Variants in DGKB observed in about 807,000 individuals in gnomAD.
DGKB encodes the protein 90 kDa diacylglycerol kinase.
Under a neutral mutation model 114.3 loss-of-function variants are expected in DGKB, and 67 were observed. That is an observed-to-expected ratio of 0.59 (90% confidence interval 0.48 to 0.72). DGKB has a LOEUF of 0.72. Ranked by LOEUF, DGKB falls within the 30% of genes least tolerant of loss-of-function variation. DGKB has a pLI of 0.00. For missense variants in DGKB, 907 were observed against 975.2 expected, an observed-to-expected ratio of 0.93 and a Z score of 0.93; for synonymous variants, 398 against 323.1, an observed-to-expected ratio of 1.23 and a Z score of -2.49.
At chr7:14,431,672 T>C (rs1413534851) in intron 21 of DGKB, among the ~76,000 whole-genome samples, 1 of 152,200 alleles carries the variant, frequency 6.6e-6, no homozygotes, top group Admixed American at 6.5e-5. Flanking sequence ...GGTAAGTCAT[T>C]AAGGAGCAAA....
chr7:14,814,015 G>A (rs1039851499), intron 2 of DGKB: 15 of 151,838 alleles, frequency 9.9e-5, no homozygotes, highest in Admixed American at 4.6e-4. Context: ...TATTCCATAC[G>A]TTTTCTCAAT....
chr7:14,238,916 G>A (rs1214447580), intron 23 of DGKB, among the ~76,000 whole-genome samples: 3 of 151,690 alleles, frequency 2.0e-5, no homozygotes, highest in African/African-American at 7.3e-5. Flanking sequence ...GTTTTTACTA[G>A]GTCAAAAAAG....
At chr7:14,612,030 C>T (rs889133224) in intron 16 of DGKB, among the ~76,000 whole-genome samples, 3 of 151,574 alleles carry the variant, frequency 2.0e-5, no homozygotes. Flanking sequence ...ATGAGTAAAA[C>T]TATTCCCTTT....
intron 25 of DGKB, among the ~76,000 whole-genome samples, chr7:14,175,002 G>A (rs1781515206): frequency 6.6e-6 from 1 of 152,194 alleles, no homozygotes; most frequent in South Asian, 2.1e-4. Context: ...TATACACAAC[G>A]TTTGAGCCAG....
intron 2 of DGKB, among the ~76,000 whole-genome samples, chr7:14,810,185 T>A (rs1363785184): frequency 6.6e-6 from 1 of 152,190 alleles, no homozygotes; most frequent in Non-Finnish European, 1.5e-5. Flanking sequence ...AAGACTAGGC[T>A]CAGAGGTCAA....
chr7:14,704,290 A>C (rs1825756285), intron 6 of DGKB, among the ~76,000 whole-genome samples: 1 of 150,482 alleles, frequency 6.6e-6, no homozygotes, highest in Non-Finnish European at 1.5e-5. Context: ...AAAAAAAAAA[A>C]AAAAAAAATT....
At chr7:14,569,867 G>A (rs1010209793) in intron 20 of DGKB, among the ~76,000 whole-genome samples, 3 of 151,646 alleles carry the variant, frequency 2.0e-5, no homozygotes, top group African/African-American at 7.3e-5. Context: ...CTGATCTTGT[G>A]TGTCTTTGCA....
At chr7:14,374,776 G>A (rs1047781236) in intron 21 of DGKB, among the ~76,000 whole-genome samples, 2 of 152,126 alleles carry the variant, frequency 1.3e-5, no homozygotes, top group African/African-American at 4.8e-5. Flanking sequence ...ATAAGGCACT[G>A]TCCTGTGCAT....
At chr7:14,336,592 G>T (rs1810718359) in intron 23 of DGKB, among the ~76,000 whole-genome samples, 1 of 152,138 alleles carries the variant, frequency 6.6e-6, no homozygotes, top group African/African-American at 2.4e-5. Context: ...GGTTCTAATA[G>T]TTCCACAGTA....
intron 23 of DGKB, among the ~76,000 whole-genome samples, chr7:14,299,294 G>C (rs910441983): frequency 2.0e-5 from 3 of 151,980 alleles, no homozygotes; most frequent in Non-Finnish European, 4.4e-5. Flanking sequence ...GTTTTCAGAG[G>C]AAAAGTAAAC....
intron 12 of DGKB, among the ~76,000 whole-genome samples, chr7:14,675,195 T>G (rs938547970): frequency 3.3e-5 from 5 of 152,100 alleles, no homozygotes; most frequent in African/African-American, 4.8e-5. Flanking sequence ...GATTACAGTG[T>G]AAAGCTAAAC....
chr7:14,399,153 C>T (rs1242570247), intron 21 of DGKB, among the ~76,000 whole-genome samples: 2 of 151,456 alleles, frequency 1.3e-5, no homozygotes, highest in Non-Finnish European at 3.0e-5. Flanking sequence ...GGCAATACCA[C>T]TATTACCACC....
chr7:14,632,135 G>A (rs952456095), intron 13 of DGKB, among the ~76,000 whole-genome samples: 1 of 151,840 alleles, frequency 6.6e-6, no homozygotes, highest in African/African-American at 2.4e-5. Flanking sequence ...GATAGATCCT[G>A]GTCCACTTTC....
intron 13 of DGKB, among the ~76,000 whole-genome samples, chr7:14,658,921 C>A (rs541154043): frequency 6.6e-6 from 1 of 151,744 alleles, no homozygotes; most frequent in African/African-American, 2.4e-5. Context: ...TTAAACTTTA[C>A]TTTAAAGTTC....
chr7:14,682,128 C>T (rs1166311064), intron 12 of DGKB, among the ~76,000 whole-genome samples: 1 of 152,004 alleles, frequency 6.6e-6, no homozygotes, highest in African/African-American at 2.4e-5. Context: ...CCCTTTTAAG[C>T]CCATAGATTT....
chr7:14,273,533 G>A (rs753303400), intron 23 of DGKB, among the ~76,000 whole-genome samples: 2 of 152,102 alleles, frequency 1.3e-5, no homozygotes, highest in Non-Finnish European at 2.9e-5. Context: ...CAAGTACTGT[G>A]GGCTTTCTGA....
At chr7:14,772,843 T>C (rs749096243) in intron 2 of DGKB, among the ~76,000 whole-genome samples, 25 of 152,252 alleles carry the variant, frequency 1.6e-4, no homozygotes, top group Middle Eastern at 6.8e-3. Context: ...ACCTCAGGCA[T>C]TTACTTTCTG....
chr7:14,163,861 G>A (rs571044488), intron 25 of DGKB, among the ~76,000 whole-genome samples: 1 of 151,950 alleles, frequency 6.6e-6, no homozygotes, highest in Non-Finnish European at 1.5e-5. Context: ...TGGGTGCGGC[G>A]GCAGGTGCCT....
intron 21 of DGKB, among the ~76,000 whole-genome samples, chr7:14,409,930 C>G (rs531245781): frequency 6.6e-6 from 1 of 152,100 alleles, no homozygotes; most frequent in African/African-American, 2.4e-5. Flanking sequence ...GTAGTACACA[C>G]AACATACAAA....
Sources: gnomAD v4.1 joint callset for allele counts (sites outside exome capture counted in the v4.1 genomes callset) on GRCh38, gnomAD v4.1.1 for gene constraint, MANE v1.5 for transcripts, NCBI Gene and HGNC (gene_info 2026-07-23, HGNC 2026-07-21) for gene names.